HHIPL1: variants seen among roughly 807,000 people sequenced by gnomAD.
HHIPL1 encodes the protein HHIP-like protein 1.
In HHIPL1, 43 loss-of-function variants were observed where a neutral mutation model predicts 61.8. The observed-to-expected ratio is 0.70, with a 90% CI of 0.55 to 0.90. The LOEUF is 0.90. Among genes scored for constraint, HHIPL1 ranks in the 40% least tolerant of loss-of-function variants. HHIPL1 has a pLI of 0.00. For synonymous variants in HHIPL1, 482 were observed against 515.8 expected (o/e 0.93, Z 0.89); for missense variants, 1,056 against 1,157.7 (o/e 0.91, Z 1.28).
chr14:99,656,931 G>A (rs1236550480), intron 2 of HHIPL1, 69 bp from the exon 3 acceptor site: 9 of 1,358,776 alleles, frequency 6.6e-6, no homozygotes, highest in East Asian at 2.7e-5. Context: ...CAAGGAGACC[G>A]TGATCTTGTT....
chr14:99,626,468 C>T, the HHIPL1 span, among the ~76,000 whole-genome samples: 1 of 152,114 alleles, frequency 6.6e-6, no homozygotes. Flanking sequence ...AGGACACGGC[C>T]CATCCAGCTA....
the HHIPL1 span, among the ~76,000 whole-genome samples, chr14:99,623,759 C>T: frequency 1.3e-5 from 2 of 152,110 alleles, no homozygotes; most frequent in East Asian, 1.9e-4. Context: ...CTCCTGCCTG[C>T]AGCAGGCAGT....
rs2056294621 is a variant in HHIPL1, at chr14:99,668,979, C to T, written c.1730+676C>T. 6.4e-7 allele frequency: 1 copy of T among 1,574,516 alleles called. No individual in the cohort carries two copies. Among genetic ancestry groups the T allele is most frequent in the Non-Finnish European group, 8.6e-7 (1 of 1,159,052 alleles). On this transcript the variant is annotated intron_variant, in intron 7 of 8. Coordinates refer to ENST00000330710, the MANE Select transcript of HHIPL1 (RefSeq NM_001127258.3). The surrounding 1 kb of genome is among the most constrained non-coding windows in gnomAD (Gnocchi z 4.7). ...TGGGGCCCAGGGCCAGGGTGGGGCC[C>T]AGGCCACTGGCTCCAGAGCCCTGCC...
the HHIPL1 span, among the ~76,000 whole-genome samples, chr14:99,628,648 A>G: frequency 6.6e-6 from 1 of 151,938 alleles, no homozygotes; most frequent in Non-Finnish European, 1.5e-5. Context: ...GTAAGCATGT[A>G]TTTTCTTTCC....
chr14:99,668,814 C>G lies in HHIPL1; in HGVS notation c.1730+511C>G. On this transcript the variant is annotated intron_variant, in intron 7 of 8. Coordinates refer to ENST00000330710, the MANE Select transcript of HHIPL1 (RefSeq NM_001127258.3). This position sits in a 1 kb window ranked among gnomAD's most constrained non-coding sequence, Gnocchi z 4.7. ...GGGGCTCCCTTCGCCGGCTCCATCT[C>G]CCCGGCTTCCCTTCTAGCTGTAAGG... is the stretch of plus-strand genomic sequence containing the variant. 2 of 1,612,662 alleles carry G rather than the reference C, an allele frequency of 1.2e-6. No individual in the cohort carries two copies. Among genetic ancestry groups the G allele is most frequent in the Non-Finnish European group, 1.7e-6 (2 of 1,179,946 alleles).
intron 1 of HHIPL1, among the ~76,000 whole-genome samples, chr14:99,648,850 G>A (rs150530094): frequency 6.6e-6 from 1 of 152,352 alleles, no homozygotes; most frequent in African/African-American, 2.4e-5. Flanking sequence ...TTCAAAAAAT[G>A]AACGGTGGAC....
At chr14:99,614,100 G>C in the HHIPL1 span, among the ~76,000 whole-genome samples, 2 of 152,126 alleles carry the variant, frequency 1.3e-5, no homozygotes, top group African/African-American at 4.8e-5. Flanking sequence ...CTCCCTCTCT[G>C]AGCCTCTGGA....
At chr14:99,630,339 C>T in the HHIPL1 span, among the ~76,000 whole-genome samples, 11 of 152,306 alleles carry the variant, frequency 7.2e-5, no homozygotes, top group East Asian at 1.5e-3. Context: ...CATTCCATCG[C>T]GTTTCATCAT....
At chr14:99,666,296 G>A (rs1372496043) in intron 6 of HHIPL1, among the ~76,000 whole-genome samples, 1 of 152,186 alleles carries the variant, frequency 6.6e-6, no homozygotes, top group Non-Finnish European at 1.5e-5. Flanking sequence ...TTTTGCTTCG[G>A]AGGCAGCTTC....
chr14:99,641,810 C>T (rs964926458), upstream of HHIPL1, among the ~76,000 whole-genome samples: 1 of 152,134 alleles, frequency 6.6e-6, no homozygotes, highest in African/African-American at 2.4e-5. Flanking sequence ...GGTTTTTCTT[C>T]ATCTTTGGTT....
Position 99,675,623 on chromosome 14 carries a change from G to A in HHIPL1, c.2346G>A (p.Leu782=). 1 of 1,515,020 alleles carries A rather than the reference G, an allele frequency of 6.6e-7. No homozygotes were observed. The highest frequency in any genetic ancestry group is 8.8e-7 in the Non-Finnish European group (1 of 1,131,998). The allele number at this position is 1,515,020 out of a possible 1,614,324, so 93.8% of individuals were successfully genotyped here. A position where few individuals can be genotyped will look rare whatever the true frequency, so the allele number is the denominator to read the frequency against. ...TGTGCAGCCACCAGAACCCCGACCT[G>A]TAGGCAACACGCCGCTGCCCCAGGC... is the stretch of plus-strand genomic sequence containing the variant. ...GVVCSHQNPD[L] is the part of the protein sequence containing the mutation. The change falls in exon 9 of 9, where the codon CTG becomes CTA. Residue 782 remains leucine (L), a synonymous_variant. Coordinates refer to ENST00000330710, the MANE Select transcript of HHIPL1 (RefSeq NM_001127258.3). This position sits in a 1 kb window ranked among gnomAD's most constrained non-coding sequence, Gnocchi z 5.4.
rs774067902 is a variant in HHIPL1 at position 99,660,477 on chromosome 14, G to C, written c.1502+71G>C. 41 of 1,545,746 alleles carry C rather than the reference G, an allele frequency of 2.7e-5. No individual in the cohort carries two copies. Among genetic ancestry groups the C allele is most frequent in the Non-Finnish European group, 3.5e-5 (40 of 1,135,078 alleles). On this transcript the variant is annotated intron_variant, in intron 5 of 8. Transcript: ENST00000330710. The surrounding 1 kb of genome is among the most constrained non-coding windows in gnomAD (Gnocchi z 4.9). Reference sequence around the variant, plus strand: ...CCTTGGGACTGGCTCCTTGGTAAAGGGGAGTGTATGTGTGCGCCCGTTCCT... The same window carrying C: ...CCTTGGGACTGGCTCCTTGGTAAAGCGGAGTGTATGTGTGCGCCCGTTCCT...
rs1313426243 is a variant in HHIPL1, at chr14:99,660,987, G to A, written c.1502+581G>A. ...CTTGGAGCCTTGCTGCCCTGCCCCC[G>A]TGCTCTAGGGCAGCAGTACCACCCA... On this transcript the variant is annotated intron_variant, in intron 5 of 8. Transcript: ENST00000330710. This position sits in a 1 kb window ranked among gnomAD's most constrained non-coding sequence, Gnocchi z 4.9. Among the ~76,000 whole-genome samples, 3 of 152,170 alleles carry A rather than the reference G, an allele frequency of 2.0e-5. No individual in the cohort carries two copies. Among genetic ancestry groups the A allele is most frequent in the Admixed American group, 6.5e-5 (1 of 15,270 alleles).
chr14:99,642,850 C>G (rs775294605), upstream of HHIPL1, among the ~76,000 whole-genome samples: 2 of 151,434 alleles, frequency 1.3e-5, no homozygotes, highest in Non-Finnish European at 2.9e-5. Context: ...AAGTGGACCC[C>G]TCTCTGCTTC....
chr14:99,612,037 C>T, the HHIPL1 span, among the ~76,000 whole-genome samples: 1 of 152,132 alleles, frequency 6.6e-6, no homozygotes, highest in East Asian at 1.9e-4. Flanking sequence ...TCTTGAGGCT[C>T]TGTATTAATT....
intron 3 of HHIPL1, 83 bp downstream of exon 3, chr14:99,657,226 C>A (rs1223157227): frequency 2.0e-6 from 3 of 1,470,408 alleles, no homozygotes; most frequent in African/African-American, 2.9e-5. Flanking sequence ...GAGTTCCTTC[C>A]TCGGCCAGGC....
chr14:99,659,873 C>CCTGA, intron 4 of HHIPL1, 117 bp downstream of exon 4: 2 of 690,726 alleles, frequency 2.9e-6, no homozygotes, highest in Non-Finnish European at 2.2e-6. Flanking sequence ...GATCCCTGAC[C>CCTGA]CTGAGTCTGT....
At position 99,678,568 on chromosome 14, in the gene HHIPL1, C is replaced by G. The variant is rs974134767; in HGVS notation, c.*2942C>G. 2 of 152,142 alleles carry G rather than the reference C, an allele frequency of 1.3e-5. No homozygotes were observed. Among genetic ancestry groups the G allele is most frequent in the Non-Finnish European group, 2.9e-5 (2 of 68,044 alleles). The allele number at this position is 152,142 out of a possible 1,614,324, so 9.4% of individuals were successfully genotyped here. A position where few individuals can be genotyped will look rare whatever the true frequency, so the allele number is the denominator to read the frequency against. On this transcript the variant is annotated 3_prime_UTR_variant, in exon 9 of 9. Coordinates refer to ENST00000330710, the MANE Select transcript of HHIPL1 (RefSeq NM_001127258.3). The stretch of plus-strand genomic sequence containing the variant: ...AGACCGCACAATCTAAACTAAAACC[C>G]GATTGGCTGTTTAAAATTTTTCTAA...
At position 99,668,953 on chromosome 14, in the gene HHIPL1, C is replaced by G; in HGVS notation, c.1730+650C>G. ...AGCACAAAGACACGAAGTCATGGGCCTGGGGCCCAGGGCCAGGGTGGGGCC... is the reference window on the plus strand; with the variant it reads ...AGCACAAAGACACGAAGTCATGGGCGTGGGGCCCAGGGCCAGGGTGGGGCC... On this transcript the variant is annotated intron_variant, in intron 7 of 8. Coordinates refer to ENST00000330710, the MANE Select transcript of HHIPL1 (RefSeq NM_001127258.3). This position sits in a 1 kb window ranked among gnomAD's most constrained non-coding sequence, Gnocchi z 4.7. 1 of 1,604,218 alleles carries G rather than the reference C, an allele frequency of 6.2e-7. No homozygotes were observed. Among genetic ancestry groups the G allele is most frequent in the Non-Finnish European group, 8.5e-7 (1 of 1,173,906 alleles).
Sources: gnomAD v4.1 joint callset for allele counts (sites outside exome capture counted in the v4.1 genomes callset) on GRCh38, gnomAD v4.1.1 for gene constraint, Gnocchi (gnomAD v3.1) non-coding constraint, MANE v1.5 for transcripts, NCBI Gene and HGNC (gene_info 2026-07-23, HGNC 2026-07-21) for gene names.